SYNPR: variants seen among roughly 807,000 people sequenced by gnomAD.
The protein encoded by SYNPR is synaptoporin.
A neutral mutation model predicts 32.9 loss-of-function variants in SYNPR; 23 were observed. That is an observed-to-expected ratio of 0.70 (90% confidence interval 0.50 to 0.99). SYNPR has a LOEUF of 0.99. Among genes scored for constraint, SYNPR ranks in the 50% least tolerant of loss-of-function variants. The probability of loss-of-function intolerance (pLI) is 0.00; values close to 1 mark genes in which losing one functional copy is unlikely to be tolerated. For synonymous variants in SYNPR, 146 were observed against 135.9 expected (o/e 1.07, Z -0.52); for missense variants, 318 against 349.3 (o/e 0.91, Z 0.71).
At chr3:63,354,364 AT>A (rs1324954151) in intron 2 of SYNPR, among the ~76,000 whole-genome samples, 1 of 152,180 alleles carries the variant, frequency 6.6e-6, no homozygotes, top group Non-Finnish European at 1.5e-5. Context: ...CTGCTGGCTA[AT>A]TTCCAAACCT....
the SYNPR span, among the ~76,000 whole-genome samples, chr3:63,219,375 A>T: frequency 5.3e-5 from 8 of 152,230 alleles, no homozygotes; most frequent in African/African-American, 1.7e-4. Context: ...GGCAGCTGTC[A>T]TCAGGTTATG....
rs188757496 is a variant in SYNPR, at chr3:63,397,486, C to T, written c.85-83346C>T. Reference sequence around the variant, plus strand: ...TTACTTCTTTTTTTCTCCCTAATTCCTCCTGCATTCTCCTTTTTCTAGCAG... The same window carrying T: ...TTACTTCTTTTTTTCTCCCTAATTCTTCCTGCATTCTCCTTTTTCTAGCAG... On this transcript the variant is annotated intron_variant, in intron 2 of 5. Coordinates refer to ENST00000478300, the MANE Select transcript of SYNPR (RefSeq NM_001130003.2). Among the ~76,000 whole-genome samples, 13 of 152,220 alleles carry T rather than the reference C, an allele frequency of 8.5e-5. No individual in the cohort carries two copies. The East Asian group carries it at 2.1e-3, about 25-fold the overall frequency.
At chr3:63,494,348 A>G (rs983084318) in intron 3 of SYNPR, among the ~76,000 whole-genome samples, 2 of 145,094 alleles carry the variant, frequency 1.4e-5, no homozygotes, top group Non-Finnish European at 3.0e-5. Flanking sequence ...TCAGCCAAAT[A>G]CAAATGAAGG....
At chr3:63,243,240 G>A (rs1002358324) in intron 1 of SYNPR, among the ~76,000 whole-genome samples, 3 of 151,838 alleles carry the variant, frequency 2.0e-5, no homozygotes, top group Non-Finnish European at 4.4e-5. Context: ...ATAGCACAAA[G>A]AAAAACAAGC....
intron 2 of SYNPR, among the ~76,000 whole-genome samples, chr3:63,410,799 T>G (rs2088454407): frequency 6.6e-6 from 1 of 152,236 alleles, no homozygotes; most frequent in Non-Finnish European, 1.5e-5. Flanking sequence ...TGGTATCTAC[T>G]TAGCTGGTGA....
chr3:63,298,365 T>C (rs970479872), intron 2 of SYNPR, among the ~76,000 whole-genome samples: 3 of 152,152 alleles, frequency 2.0e-5, no homozygotes, highest in Non-Finnish European at 2.9e-5. Context: ...TCACCTTACT[T>C]TGAATTTCCC....
At chr3:63,576,521 G>A (rs1008843611) in intron 4 of SYNPR, among the ~76,000 whole-genome samples, 1 of 152,122 alleles carries the variant, frequency 6.6e-6, no homozygotes, top group African/African-American at 2.4e-5. Flanking sequence ...GCTGGGCGCG[G>A]TGACTCACAC....
chr3:63,437,864 C>T (rs187042987), intron 2 of SYNPR, among the ~76,000 whole-genome samples: 3 of 152,232 alleles, frequency 2.0e-5, no homozygotes, highest in Admixed American at 6.5e-5. Flanking sequence ...TTATTAGCAC[C>T]TCCCATTAGG....
intron 3 of SYNPR, among the ~76,000 whole-genome samples, chr3:63,504,597 T>A (rs899766823): frequency 6.6e-5 from 10 of 152,144 alleles, no homozygotes; most frequent in African/African-American, 2.4e-4. Flanking sequence ...TAAAATGCTA[T>A]GCATTTACAC....
intron 1 of SYNPR, among the ~76,000 whole-genome samples, chr3:63,236,236 A>G (rs1381223597): frequency 1.3e-5 from 2 of 152,090 alleles, no homozygotes; most frequent in Non-Finnish European, 2.9e-5. Context: ...AGATCTATAC[A>G]TCAGTCTCTC....
intron 3 of SYNPR, among the ~76,000 whole-genome samples, chr3:63,528,823 G>A (rs993994458): frequency 1.3e-5 from 2 of 152,110 alleles, no homozygotes; most frequent in Non-Finnish European, 2.9e-5. Flanking sequence ...AGAGTTTGGT[G>A]CAATTCTGTT....
chr3:63,423,727 C>T (rs1019294462), intron 2 of SYNPR: 3 of 152,334 alleles, frequency 2.0e-5, no homozygotes, highest in African/African-American at 4.8e-5. Flanking sequence ...GTTACACATG[C>T]CTAGGCTGTA....
chr3:63,543,315 A>G (rs183845549), intron 3 of SYNPR, among the ~76,000 whole-genome samples: 1 of 152,152 alleles, frequency 6.6e-6, no homozygotes, highest in Non-Finnish European at 1.5e-5. Context: ...AAGAATTTCT[A>G]GGAAGCCAAA....
chr3:63,510,631 A>G (rs1488693820), intron 3 of SYNPR, among the ~76,000 whole-genome samples: 2 of 152,194 alleles, frequency 1.3e-5, no homozygotes, highest in African/African-American at 4.8e-5. Context: ...GGAGATTTGA[A>G]TAATTATTTA....
At chr3:63,295,553 C>T (rs984169499) in intron 2 of SYNPR, among the ~76,000 whole-genome samples, 15 of 152,166 alleles carry the variant, frequency 9.9e-5, no homozygotes, top group African/African-American at 3.1e-4. Flanking sequence ...GCAAAATCAA[C>T]CAAGGTGGTG....
intron 3 of SYNPR, among the ~76,000 whole-genome samples, chr3:63,512,290 T>C (rs1205667166): frequency 6.6e-6 from 1 of 152,152 alleles, no homozygotes; most frequent in Admixed American, 6.6e-5. Flanking sequence ...GTGGGCTTTC[T>C]CAATGGATTA....
At chr3:63,509,347 T>TAC (rs1156836560) in intron 3 of SYNPR, among the ~76,000 whole-genome samples, 1 of 150,986 alleles carries the variant, frequency 6.6e-6, no homozygotes, top group African/African-American at 2.4e-5. Flanking sequence ...CTTATATATA[T>TAC]ACACACATGT....
At chr3:63,338,298 C>T (rs1187182013) in intron 2 of SYNPR, among the ~76,000 whole-genome samples, 1 of 152,142 alleles carries the variant, frequency 6.6e-6, no homozygotes, top group African/African-American at 2.4e-5. Context: ...GTCACTACCC[C>T]ATGAGAAGGT....
At chr3:63,275,999 T>A (rs1391739446), upstream of SYNPR, among the ~76,000 whole-genome samples, 9 of 152,158 alleles carry the variant, frequency 5.9e-5, no homozygotes, top group African/African-American at 1.7e-4. Context: ...AAGACCTAAA[T>A]TTTTCAGTTG....
Sources: allele counts gnomAD v4.1 joint callset (sites outside exome capture counted in the v4.1 genomes callset), GRCh38; gene constraint gnomAD v4.1.1; transcripts MANE v1.5; gene names NCBI Gene and HGNC (gene_info 2026-07-23, HGNC 2026-07-21).